The following CAMKK2 variants were observed in gnomAD, a reference collection of about 807,000 sequenced individuals.
The protein encoded by CAMKK2 is calcium/calmodulin-dependent protein kinase kinase 2.
CAMKK2 carries 30 observed loss-of-function variants against 67.2 expected under a neutral mutation model. The observed-to-expected ratio is 0.45, with a 90% confidence interval of 0.33 to 0.61. CAMKK2 has a LOEUF of 0.61. CAMKK2 is among the 20% of genes least tolerant of loss of function. The pLI is 0.02. For missense variants in CAMKK2, 643 were observed against 802.0 expected, an observed-to-expected ratio of 0.80 and a Z score of 2.39; for synonymous variants, 322 against 326.2, an observed-to-expected ratio of 0.99 and a Z score of 0.14.
At chr12:121,264,764 A>C (rs1046069446) in intron 5 of CAMKK2, among the ~76,000 whole-genome samples, 1 of 141,504 alleles carries the variant, frequency 7.1e-6, no homozygotes, top group Non-Finnish European at 1.5e-5. Flanking sequence ...ACACAGCAAG[A>C]CTCAGTCTCA....
At chr12:121,286,112 G>A (rs1898691340) in intron 1 of CAMKK2, among the ~76,000 whole-genome samples, 1 of 152,102 alleles carries the variant, frequency 6.6e-6, no homozygotes, top group African/African-American at 2.4e-5. Context: ...TTCCATTTTT[G>A]CTTAAGCTAT....
At chr12:121,247,598 G>A (rs529197380) in intron 14 of CAMKK2, among the ~76,000 whole-genome samples, 2 of 152,306 alleles carry the variant, frequency 1.3e-5, no homozygotes, top group East Asian at 3.9e-4. Context: ...AGTGGGTGTG[G>A]GTGGGTCTTC....
intron 9 of CAMKK2, among the ~76,000 whole-genome samples, chr12:121,255,322 A>AATTT: frequency 1.7e-5 from 1 of 57,456 alleles, no homozygotes; most frequent in African/African-American, 9.0e-5. Context: ...AATTTTATAT[A>AATTT]TATATAATTA....
chr12:121,271,048 G>A (rs984985288), intron 2 of CAMKK2, 103 bp from the exon 3 acceptor site: 1 of 855,548 alleles, frequency 1.2e-6, no homozygotes, highest in African/African-American at 1.7e-5. Flanking sequence ...ACCAAGGTGG[G>A]AGGATCACTT....
At chr12:121,256,396 G>A (rs1222892322) in intron 7 of CAMKK2, among the ~76,000 whole-genome samples, 4 of 152,110 alleles carry the variant, frequency 2.6e-5, no homozygotes, top group African/African-American at 4.8e-5. Context: ...ATTTCTTTGA[G>A]ATGAAATTTA....
chr12:121,268,757 A>T lies in CAMKK2; in HGVS notation c.574-68T>A. The T allele has an allele frequency of 2.7e-6, 4 of 1,494,882 alleles. 1 individual carries two copies. The South Asian group carries it at 4.5e-5, about 17-fold the overall frequency. The allele number at this position is 1,494,882 out of a possible 1,614,324, so 92.6% of individuals were successfully genotyped here. On this transcript the variant is annotated intron_variant, in intron 4 of 16. Transcript: ENST00000404169. The stretch of plus-strand genomic sequence containing the variant: ...TAAAGCAGGGAGGAAAAGGGGAAGG[A>T]GGGCGCAGTCGGGGTTCCTCTACTC...
chr12:121,242,766 G>A (rs189552399), intron 16 of CAMKK2, among the ~76,000 whole-genome samples: 56 of 151,784 alleles, frequency 3.7e-4, no homozygotes, highest in East Asian at 5.8e-4. Flanking sequence ...TTTTTGAGAC[G>A]GAGTCTCGCT....
chr12:121,258,022 C>CT (rs5801429), intron 7 of CAMKK2, among the ~76,000 whole-genome samples: 1,880 of 120,062 alleles, frequency 0.016, 34 homozygotes, highest in African/African-American at 0.048. Context: ...GAGTTTTCTA[C>CT]TTTTTTTTTT....
chr12:121,278,942 C>T (rs191082003), intron 1 of CAMKK2, among the ~76,000 whole-genome samples: 1 of 152,338 alleles, frequency 6.6e-6, no homozygotes, highest in Non-Finnish European at 1.5e-5. Flanking sequence ...TCCCCCAGGG[C>T]AGGCAGTCAG....
rs1474465534 is a variant in CAMKK2, at chr12:121,255,344, A to T, written c.907+206T>A. On this transcript the variant is annotated intron_variant, in intron 9 of 16. Coordinates refer to ENST00000404169, the MANE Select transcript of CAMKK2 (RefSeq NM_001270485.2). ...TATATATATAATTATATATAATTTT[A>T]TATATATAATTATATATATAATTTT... 3.7e-3 allele frequency among the ~76,000 whole-genome samples: 36 copies of T among 9,784 alleles called. 2 individuals carry two copies. Among genetic ancestry groups the T allele is most frequent in the Non-Finnish European group, 6.7e-3 (34 of 5,098 alleles). 6.4% of individuals were successfully genotyped at this position (9,784 alleles called of 152,430 possible).
intron 1 of CAMKK2, among the ~76,000 whole-genome samples, chr12:121,294,012 A>C (rs1453839648): frequency 6.6e-6 from 1 of 152,070 alleles, no homozygotes; most frequent in Non-Finnish European, 1.5e-5. Context: ...AGCACACTGC[A>C]ACCTCCGCCT....
rs780090030 is a variant in CAMKK2, at chr12:121,253,506, G to A, written c.908-34C>T. ...GCGTAGACAGCAGGTGGGAGATAGG[G>A]GCAGGAAAACCTCGTGAGCACCTCT... is the stretch of plus-strand genomic sequence containing the variant. On this transcript the variant is annotated intron_variant, in intron 9 of 16. Coordinates refer to ENST00000404169, the MANE Select transcript of CAMKK2 (RefSeq NM_001270485.2). The surrounding 1 kb of genome is among the most constrained non-coding windows in gnomAD (Gnocchi z 5.0). The A allele has an allele frequency of 1.9e-6, 3 of 1,594,840 alleles. No individual in the cohort carries two copies. The South Asian group carries it at 3.3e-5, about 18-fold the overall frequency.
chr12:121,264,368 G>A (rs890974515), intron 5 of CAMKK2, among the ~76,000 whole-genome samples: 1 of 152,248 alleles, frequency 6.6e-6, no homozygotes, highest in Non-Finnish European at 1.5e-5. Context: ...TGGGCGCTAT[G>A]GCTCATGCCT....
chr12:121,244,475 A>T, intron 16 of CAMKK2, 98 bp downstream of exon 16: 1 of 1,159,364 alleles, frequency 8.6e-7, no homozygotes, highest in Non-Finnish European at 1.2e-6. Context: ...GGCTGGAAGG[A>T]GCATCTGCCC....
intron 16 of CAMKK2, chr12:121,243,961 C>T (rs1888889661): frequency 2.1e-6 from 3 of 1,462,688 alleles, no homozygotes; most frequent in Admixed American, 2.4e-5. Context: ...CAGGTTCTCC[C>T]AGTCTCATAA....
chr12:121,287,657 C>T (rs572818331), intron 1 of CAMKK2, among the ~76,000 whole-genome samples: 8 of 152,308 alleles, frequency 5.3e-5, no homozygotes, highest in African/African-American at 1.9e-4. Context: ...GCCCCAGTCA[C>T]GCAGTCAGAC....
chr12:121,252,591 C>T, intron 11 of CAMKK2, 70 bp downstream of exon 11: 1 of 1,410,026 alleles, frequency 7.1e-7, no homozygotes, highest in Non-Finnish European at 1.0e-6. Flanking sequence ...GTACTGTCTC[C>T]CCGCAAGGGT....
intron 1 of CAMKK2, among the ~76,000 whole-genome samples, chr12:121,278,974 G>A (rs1897269793): frequency 6.6e-6 from 1 of 152,234 alleles, no homozygotes; most frequent in Non-Finnish European, 1.5e-5. Flanking sequence ...TCCTAGAGCT[G>A]CCTCTGATAG....
intron 3 of CAMKK2, among the ~76,000 whole-genome samples, chr12:121,270,057 A>C (rs1029452336): frequency 7.9e-5 from 12 of 151,484 alleles, no homozygotes; most frequent in Non-Finnish European, 1.2e-4. Flanking sequence ...TCAAAAAAAA[A>C]CAGAAAGGTC....
Sources: gnomAD v4.1 joint callset for allele counts (sites outside exome capture counted in the v4.1 genomes callset) on GRCh38, gnomAD v4.1.1 for gene constraint, Gnocchi (gnomAD v3.1) non-coding constraint, MANE v1.5 for transcripts, NCBI Gene and HGNC (gene_info 2026-07-23, HGNC 2026-07-21) for gene names.